ANKRD13C: variants seen among roughly 807,000 people sequenced by gnomAD.
ANKRD13C encodes ankyrin repeat domain-containing protein 13C.
ANKRD13C carries 16 observed loss-of-function variants against 65.5 expected under a neutral mutation model. The observed-to-expected ratio is 0.24, with a 90% CI of 0.17 to 0.37. The LOEUF is 0.37. Among genes scored for constraint, ANKRD13C ranks in the 10% least tolerant of loss-of-function variants. ANKRD13C has a pLI of 1.00. For synonymous variants in ANKRD13C, 235 were observed against 238.7 expected (o/e 0.98, Z 0.14); for missense variants, 503 against 655.9 (o/e 0.77, Z 2.55).
intron 2 of ANKRD13C, among the ~76,000 whole-genome samples, chr1:70,328,830 G>A (rs1681659620): frequency 6.6e-6 from 1 of 152,092 alleles, no homozygotes; most frequent in Admixed American, 6.6e-5. Flanking sequence ...AGTAAGAAGA[G>A]GGGATGATAG....
chr1:70,292,727 A>G (rs970438843), intron 8 of ANKRD13C, among the ~76,000 whole-genome samples, 178 bp from the exon 9 acceptor site: 2 of 152,244 alleles, frequency 1.3e-5, no homozygotes, highest in African/African-American at 2.4e-5. Context: ...AAGTTATTCA[A>G]TAAGTTGAAA....
At chr1:70,299,997 T>G (rs1473057343) in intron 7 of ANKRD13C, among the ~76,000 whole-genome samples, 1 of 152,096 alleles carries the variant, frequency 6.6e-6, no homozygotes, top group Non-Finnish European at 1.5e-5. Flanking sequence ...ATGTCGTACT[T>G]GAAGAGGGAA....
At chr1:70,299,487 A>G (rs1269389860) in intron 7 of ANKRD13C, among the ~76,000 whole-genome samples, 1 of 152,228 alleles carries the variant, frequency 6.6e-6, no homozygotes, top group African/African-American at 2.4e-5. Context: ...CAGGAAGATC[A>G]TTTATAAGAC....
At position 70,274,866 on chromosome 1, in the gene ANKRD13C, T is replaced by C. The variant is rs757458870; in HGVS notation, c.1296-48A>G. 6.9e-6 allele frequency: 8 copies of C among 1,156,818 alleles called. No individual in the cohort carries two copies. The African/African-American group carries it at 1.1e-4, about 15-fold the overall frequency. The allele number at this position is 1,156,818 out of a possible 1,614,324, so 71.7% of individuals were successfully genotyped here. On this transcript the variant is annotated intron_variant, in intron 10 of 12. Transcript: ENST00000370944. The stretch of plus-strand genomic sequence containing the variant: ...GTTAGGAAACTTTTTCCATAGTCTA[T>C]CACCTTCCTAAGAAGCATCTGTCAT...
chr1:70,264,680 C>T (rs1265428753), intron 12 of ANKRD13C, among the ~76,000 whole-genome samples: 2 of 151,930 alleles, frequency 1.3e-5, no homozygotes, highest in African/African-American at 2.4e-5. Flanking sequence ...TTGCTGACCC[C>T]GTTCTAGGTT....
chr1:70,292,933 G>C (rs1310632090), intron 8 of ANKRD13C, among the ~76,000 whole-genome samples: 1 of 152,106 alleles, frequency 6.6e-6, no homozygotes, highest in African/African-American at 2.4e-5. Context: ...GGAGGGGTCA[G>C]GGATAACACT....
At chr1:70,272,175 T>TC (rs560376635) in intron 11 of ANKRD13C, among the ~76,000 whole-genome samples, 3,287 of 150,636 alleles carry the variant, frequency 0.022, 61 homozygotes, top group South Asian at 0.075. Context: ...TTTTTTTTTT[T>TC]CTGAACTTTT....
At position 70,318,714 on chromosome 1, in the gene ANKRD13C, C is replaced by T. The variant is rs543497926; in HGVS notation, c.578-3148G>A. Among the ~76,000 whole-genome samples the T allele has an allele frequency of 3.8e-3, 504 of 133,808 alleles. 3 individuals are homozygous for T. Among genetic ancestry groups the T allele is most frequent in the African/African-American group, 0.013 (462 of 34,864 alleles). 87.8% of individuals were successfully genotyped at this position (133,808 alleles called of 152,430 possible). ...TTTTTTTTTTTTTGAGACGGAGTCT[C>T]GCTCTGTCGCCAGGCTGGAATGCAG... is the stretch of plus-strand genomic sequence containing the variant. On this transcript the variant is annotated intron_variant, in intron 3 of 12. Transcript: ENST00000370944.
At chr1:70,265,363 A>T (rs1332665145) in intron 12 of ANKRD13C, among the ~76,000 whole-genome samples, 1 of 152,358 alleles carries the variant, frequency 6.6e-6, no homozygotes, top group East Asian at 1.9e-4. Context: ...CTTCAAAATA[A>T]GAAAAGTCAA....
In ANKRD13C at chr1:70,292,299, C is replaced by T. The variant is rs183705217; in HGVS notation, c.1215+89G>A. On this transcript the variant is annotated intron_variant, in intron 9 of 12. Transcript: ENST00000370944. The stretch of plus-strand genomic sequence containing the variant: ...ACACAGTAAATAAAAGCTGTGAGTA[C>T]ATTTATATACTTACTGAATGCCACC... 7 of 944,302 alleles carry T rather than the reference C, an allele frequency of 7.4e-6. No individual in the cohort carries two copies. In the African/African-American group the frequency reaches 1.2e-4, roughly 16 times the overall value. 58.5% of individuals were successfully genotyped at this position (944,302 alleles called of 1,614,324 possible).
chr1:70,268,358 C>T (rs1157984752), intron 12 of ANKRD13C, among the ~76,000 whole-genome samples: 3 of 152,154 alleles, frequency 2.0e-5, no homozygotes, highest in Non-Finnish European at 4.4e-5. Context: ...GACAGAGTTT[C>T]ACCAAGTTGG....
At chr1:70,344,787 C>A (rs1417512533) in intron 1 of ANKRD13C, among the ~76,000 whole-genome samples, 2 of 151,670 alleles carry the variant, frequency 1.3e-5, no homozygotes, top group Non-Finnish European at 2.9e-5. Flanking sequence ...GATCACAAAA[C>A]CTTTTGTATA....
intron 3 of ANKRD13C, among the ~76,000 whole-genome samples, chr1:70,317,509 T>C (rs1380227009): frequency 6.6e-6 from 1 of 152,180 alleles, no homozygotes; most frequent in African/African-American, 2.4e-5. Flanking sequence ...TTATCGTTTT[T>C]ATAAAGTTCT....
rs1446550090 is a variant in ANKRD13C, at chr1:70,292,452, A to G, written c.1151T>C (p.Leu384Pro). Reference sequence around the variant, plus strand: ...ACTCTCCATGATGGCCTTATTTCGAAGAATATCCTCTTCACTGAGATGTTC... The same window carrying G: ...ACTCTCCATGATGGCCTTATTTCGAGGAATATCCTCTTCACTGAGATGTTC... ...RREHLSEEDI[L>P]RNKAIMESLS... is the part of the protein sequence containing the mutation. Residue 384 changes from leucine (L) to proline (P), a missense_variant, in exon 9 of 13, where the codon CTT (leucine) becomes CCT (proline). Physicochemically the swap from Leu to Pro is moderately conservative, Grantham distance 98. This residue lies in a region of ANKRD13C where 300 missense variants were observed against 478.3 expected (regional missense o/e 0.63). Transcript: ENST00000370944. The G allele has an allele frequency of 6.2e-7, 1 of 1,609,242 alleles. No individual in the cohort carries two copies. Among genetic ancestry groups the G allele is most frequent in the Non-Finnish European group, 8.5e-7 (1 of 1,178,588 alleles).
intron 2 of ANKRD13C, among the ~76,000 whole-genome samples, chr1:70,330,574 C>CAAAAAAAAA (rs71071394): frequency 2.6e-3 from 179 of 68,050 alleles, no homozygotes; most frequent in Non-Finnish European, 3.4e-3. Flanking sequence ...ACAAACAAAC[C>CAAAAAAAAA]AAAAAAAAAA....
intron 1 of ANKRD13C, among the ~76,000 whole-genome samples, chr1:70,350,676 C>A (rs74336121): frequency 0.02 from 3,116 of 152,190 alleles, 41 homozygotes; most frequent in Non-Finnish European, 0.031. Context: ...AAACACCAAA[C>A]GCACATTATG....
At chr1:70,294,532 G>C (rs751568559) in intron 8 of ANKRD13C, among the ~76,000 whole-genome samples, 1 of 151,316 alleles carries the variant, frequency 6.6e-6, no homozygotes, top group Non-Finnish European at 1.5e-5. Context: ...GGCCTTAAGA[G>C]CAAAAACTGA....
At chr1:70,352,106 G>A (rs1279784871) in intron 1 of ANKRD13C, among the ~76,000 whole-genome samples, 5 of 152,106 alleles carry the variant, frequency 3.3e-5, no homozygotes, top group African/African-American at 1.2e-4. Context: ...CTGGGAGGCC[G>A]AGGCGGGCAG....
intron 6 of ANKRD13C, among the ~76,000 whole-genome samples, chr1:70,302,653 G>C (rs1680418276): frequency 7.6e-6 from 1 of 131,700 alleles, no homozygotes. Context: ...GTGAACCCGG[G>C]AGGCGGAGCT....
Sources: allele counts gnomAD v4.1 joint callset (sites outside exome capture counted in the v4.1 genomes callset), GRCh38; gene constraint gnomAD v4.1.1; regional missense constraint gnomAD v4.1.1; transcripts MANE v1.5; gene names NCBI Gene and HGNC (gene_info 2026-07-23, HGNC 2026-07-21).